LIMCH1: variants seen among roughly 807,000 people sequenced by gnomAD.
LIMCH1 encodes LIM and calponin homology domains 1, also known as LIM and calponin homology domains-containing protein 1.
In LIMCH1, 113 loss-of-function variants were observed where a neutral mutation model predicts 176.5. The observed-to-expected ratio is 0.64, with a 90% CI of 0.55 to 0.75. LIMCH1 has a LOEUF of 0.75. LIMCH1 is among the 30% of genes least tolerant of loss of function. The pLI, the probability that LIMCH1 is intolerant of heterozygous loss-of-function variation, is 0.00. For synonymous variants in LIMCH1, 619 were observed against 645.9 expected (o/e 0.96, Z 0.63); for missense variants, 1,674 against 1,814.9 (o/e 0.92, Z 1.41).
chr4:41,524,438 T>G, exon 3 of LIMCH1: 1 of 1,613,968 alleles, frequency 6.2e-7, no homozygotes, highest in South Asian at 1.1e-5. Flanking sequence ...CCAGGACTTG[T>G]TAAAAAGATC....
chr4:41,369,551 C>T lies in LIMCH1; in HGVS notation c.96+8615C>T, dbSNP rs531457943. On this transcript the variant is annotated intron_variant, in intron 1 of 26. Coordinates refer to the LIMCH1 transcript ENST00000313860. Reference sequence around the variant, plus strand: ...ATCCTTTCAAGATAGAGCTTAAACCCGACTGCCTCTGCAGCATGGTCCCTG... The same window carrying T: ...ATCCTTTCAAGATAGAGCTTAAACCTGACTGCCTCTGCAGCATGGTCCCTG... 1.1e-4 allele frequency among the ~76,000 whole-genome samples: 16 copies of T among 152,288 alleles called. 1 individual carries two copies. The South Asian group carries it at 3.3e-3, about 32-fold the overall frequency.
chr4:41,381,959 G>A (rs1223854382), intron 1 of LIMCH1, among the ~76,000 whole-genome samples: 4 of 152,184 alleles, frequency 2.6e-5, no homozygotes, highest in African/African-American at 9.7e-5. Context: ...CACTGCCAAA[G>A]GTGTGACAAC....
chr4:41,470,278 C>T (rs2066760481), intron 1 of LIMCH1, among the ~76,000 whole-genome samples: 1 of 152,162 alleles, frequency 6.6e-6, no homozygotes, highest in African/African-American at 2.4e-5. Context: ...TACTATCTGC[C>T]CTGCATCTGT....
intron 1 of LIMCH1, among the ~76,000 whole-genome samples, chr4:41,436,244 CACA>C (rs1260343508): frequency 6.6e-6 from 1 of 152,144 alleles, no homozygotes; most frequent in Non-Finnish European, 1.5e-5. Flanking sequence ...ACCTGGACTC[CACA>C]ACTATTCACT....
intron 18 of LIMCH1, among the ~76,000 whole-genome samples, chr4:41,656,145 A>G (rs1186845540): frequency 6.6e-6 from 1 of 152,194 alleles, no homozygotes; most frequent in East Asian, 1.9e-4. Context: ...CCCATTTTGA[A>G]AAAGCTCTAG....
intron 2 of LIMCH1, among the ~76,000 whole-genome samples, chr4:41,505,347 C>T (rs189385207): frequency 5.3e-5 from 8 of 152,296 alleles, no homozygotes; most frequent in East Asian, 1.9e-4. Flanking sequence ...CCCAGTGGCT[C>T]GCTCCCTTGG....
At chr4:41,520,291 A>G (rs940901382) in intron 2 of LIMCH1, among the ~76,000 whole-genome samples, 24 of 151,920 alleles carry the variant, frequency 1.6e-4, no homozygotes, top group African/African-American at 5.3e-4. Context: ...TTCCTTGAAT[A>G]TACCAAGTCC....
intron 1 of LIMCH1, among the ~76,000 whole-genome samples, chr4:41,472,730 G>A (rs1164883354): frequency 2.6e-5 from 4 of 152,070 alleles, no homozygotes; most frequent in Admixed American, 6.6e-5. Context: ...CCACCCATTG[G>A]ATAATTTTCC....
intron 4 of LIMCH1, among the ~76,000 whole-genome samples, chr4:41,611,328 A>G (rs939109801): frequency 4.6e-5 from 7 of 152,232 alleles, no homozygotes; most frequent in Non-Finnish European, 8.8e-5. Context: ...ATGTTTACAC[A>G]ACAATGAAAT....
At chr4:41,466,217 A>G (rs2066094796) in intron 1 of LIMCH1, among the ~76,000 whole-genome samples, 2 of 152,182 alleles carry the variant, frequency 1.3e-5, no homozygotes, top group African/African-American at 4.8e-5. Context: ...TTGGCCTCCC[A>G]AAGTGCTGGG....
At chr4:41,467,502 C>T (rs1467331611) in intron 1 of LIMCH1, among the ~76,000 whole-genome samples, 1 of 152,122 alleles carries the variant, frequency 6.6e-6, no homozygotes, top group Non-Finnish European at 1.5e-5. Context: ...AGGGCATGTG[C>T]AGGGGAACTC....
intron 1 of LIMCH1, among the ~76,000 whole-genome samples, chr4:41,558,100 A>G (rs1220531450): frequency 6.6e-6 from 1 of 152,074 alleles, no homozygotes; most frequent in Non-Finnish European, 1.5e-5. Context: ...TAAAGCTTTA[A>G]ATAAAGCTGC....
intron 18 of LIMCH1, among the ~76,000 whole-genome samples, chr4:41,657,022 A>G (rs1446703110): frequency 6.6e-6 from 1 of 152,084 alleles, no homozygotes; most frequent in Non-Finnish European, 1.5e-5. Flanking sequence ...GCTTTGGGCT[A>G]GACCATGTCT....
At chr4:41,671,034 A>G in intron 21 of LIMCH1, 2 of 948,938 alleles carry the variant, frequency 2.1e-6, no homozygotes, top group Non-Finnish European at 2.5e-6. Context: ...AATATTCATC[A>G]TTTTCTTGAG....
intron 1 of LIMCH1, among the ~76,000 whole-genome samples, chr4:41,383,567 G>A (rs2056028504): frequency 6.6e-6 from 1 of 152,154 alleles, no homozygotes; most frequent in African/African-American, 2.4e-5. Context: ...TATGATCAGA[G>A]CTGTGTTGGG....
chr4:41,539,306 T>G (rs1265478477), intron 1 of LIMCH1, among the ~76,000 whole-genome samples: 1 of 152,170 alleles, frequency 6.6e-6, no homozygotes, highest in African/African-American at 2.4e-5. Flanking sequence ...GAGTGGCTGA[T>G]TCAGCAGTCC....
At chr4:41,630,999 T>C (rs1164289551) in intron 9 of LIMCH1, 149 bp from the exon 10 acceptor site, 5 of 684,096 alleles carry the variant, frequency 7.3e-6, no homozygotes, top group African/African-American at 5.4e-5. Context: ...ATAATTTCCA[T>C]TGAGGTTGGT....
In LIMCH1 at chr4:41,671,460, G is replaced by A. The variant is rs534030395; in HGVS notation, c.3398-94G>A. The A allele has an allele frequency of 3.4e-4, 312 of 910,598 alleles. 1 individual carries two copies. In the South Asian group the frequency reaches 4.5e-3, roughly 13 times the overall value. 56.4% of individuals were successfully genotyped at this position (910,598 alleles called of 1,614,324 possible). ...CACACAAAATTGGTTTAAAGCTGAT[G>A]TAGGAACTATACTCCACTGATAGGT... On this transcript the variant is annotated intron_variant, in intron 21 of 31. Coordinates refer to ENST00000503057, the MANE Select transcript of LIMCH1 (RefSeq NM_001330672.2).
chr4:41,561,760 A>G (rs1273482393), intron 1 of LIMCH1, among the ~76,000 whole-genome samples: 2 of 152,200 alleles, frequency 1.3e-5, no homozygotes, highest in African/African-American at 4.8e-5. Context: ...AATTTGATCA[A>G]AAAGAGACTA....
Sources: allele counts gnomAD v4.1 joint callset (sites outside exome capture counted in the v4.1 genomes callset), GRCh38; gene constraint gnomAD v4.1.1; transcripts MANE v1.5; gene names NCBI Gene and HGNC (gene_info 2026-07-23, HGNC 2026-07-21).